GABRB3: variants seen among roughly 807,000 people sequenced by gnomAD.
GABRB3 encodes the protein gamma-aminobutyric acid type A receptor subunit beta3.
GABRB3 carries 14 observed loss-of-function variants against 52.1 expected under a neutral mutation model. That is an observed-to-expected ratio of 0.27 (90% CI 0.18 to 0.42). The LOEUF (loss-of-function observed/expected upper bound fraction) is 0.42. GABRB3 is among the 10% of genes least tolerant of loss of function. The probability of loss-of-function intolerance (pLI) is 1.00; values close to 1 mark genes in which losing one functional copy is unlikely to be tolerated. For missense variants in GABRB3, 307 were observed against 609.1 expected, an observed-to-expected ratio of 0.50 and a Z score of 5.22; for synonymous variants, 260 against 232.3, an observed-to-expected ratio of 1.12 and a Z score of -1.08.
At chr15:26,589,214 ACT>A (rs1274294288) in intron 4 of GABRB3, among the ~76,000 whole-genome samples, 1 of 152,226 alleles carries the variant, frequency 6.6e-6, no homozygotes, top group Non-Finnish European at 1.5e-5. Context: ...GCAGATGCAA[ACT>A]CTTCATGAAT....
rs548596267 is a variant in GABRB3 at position 26,617,197 on chromosome 15, T to C, written c.461+4117A>G. Among the ~76,000 whole-genome samples, 811 of 151,872 alleles carry C rather than the reference T, an allele frequency of 5.3e-3. 5 individuals are homozygous for C. Among genetic ancestry groups the C allele is most frequent in the African/African-American group, 0.018 (757 of 41,412 alleles). On this transcript the variant is annotated intron_variant, in intron 4 of 8. Coordinates refer to ENST00000311550, the MANE Select transcript of GABRB3 (RefSeq NM_000814.6). ...TTCCTTCTGAAACTATTCCAATCAA[T>C]AGAAAAAGAGGGAATCCTCCCTAAC...
At chr15:26,579,422 C>T (rs1415786785) in intron 6 of GABRB3, among the ~76,000 whole-genome samples, 1 of 152,152 alleles carries the variant, frequency 6.6e-6, no homozygotes, top group Non-Finnish European at 1.5e-5. Flanking sequence ...AAGAATGAGT[C>T]GGAGCTAGCC....
Position 26,634,895 on chromosome 15 carries a change from TA to T in GABRB3, c.241-13362del, listed in dbSNP as rs975875536. ...ACATATTTATAGAGAGAAAAAACTTTAAAAATTATATATATCTCTCTCCAAA... is the reference window on the plus strand; with the variant it reads ...ACATATTTATAGAGAGAAAAAACTTTAAAATTATATATATCTCTCTCCAAA... On this transcript the variant is annotated intron_variant, in intron 3 of 8. Coordinates refer to ENST00000311550, the MANE Select transcript of GABRB3 (RefSeq NM_000814.6). 2.5e-4 allele frequency among the ~76,000 whole-genome samples: 30 copies of T among 121,034 alleles called. No homozygotes were observed. In the East Asian group the frequency reaches 6.0e-3, roughly 24 times the overall value. The allele number at this position is 121,034 out of a possible 152,430, so 79.4% of individuals were successfully genotyped here.
At chr15:26,550,411 T>A (rs1293704962) in intron 8 of GABRB3, among the ~76,000 whole-genome samples, 1 of 152,018 alleles carries the variant, frequency 6.6e-6, no homozygotes, top group African/African-American at 2.4e-5. Flanking sequence ...ATATCACTCA[T>A]CAGGAAAATG....
At chr15:26,599,400 A>G (rs181029719) in intron 4 of GABRB3, among the ~76,000 whole-genome samples, 1 of 152,116 alleles carries the variant, frequency 6.6e-6, no homozygotes, top group South Asian at 2.1e-4. Context: ...CCCCACCTAA[A>G]CTCAGGGCCT....
At chr15:26,622,335 A>G (rs1892514622) in intron 3 of GABRB3, among the ~76,000 whole-genome samples, 1 of 152,144 alleles carries the variant, frequency 6.6e-6, no homozygotes, top group South Asian at 2.1e-4. Context: ...AAGACAAATC[A>G]GAGGCTAGAC....
intron 3 of GABRB3, among the ~76,000 whole-genome samples, chr15:26,743,960 T>G (rs1286031913): frequency 1.3e-5 from 2 of 152,158 alleles, no homozygotes. Context: ...GGAAAGAGAA[T>G]GCATTTACTG....
intron 3 of GABRB3, among the ~76,000 whole-genome samples, chr15:26,764,695 C>T (rs910321900): frequency 5.9e-5 from 9 of 152,104 alleles, no homozygotes; most frequent in Non-Finnish European, 1.3e-4. Flanking sequence ...TGCAGCTAGA[C>T]AATCCTCTTA....
At chr15:26,552,648 G>A (rs1223362264) in intron 8 of GABRB3, among the ~76,000 whole-genome samples, 1 of 152,184 alleles carries the variant, frequency 6.6e-6, no homozygotes, top group Non-Finnish European at 1.5e-5. Flanking sequence ...GCAGGGAGGA[G>A]GGCTTGACTG....
chr15:26,688,084 A>C (rs1888463111), intron 3 of GABRB3, among the ~76,000 whole-genome samples: 1 of 152,216 alleles, frequency 6.6e-6, no homozygotes, highest in Non-Finnish European at 1.5e-5. Flanking sequence ...TAATGACGAC[A>C]AGACTGGTCA....
At chr15:26,673,959 A>G (rs1156368594) in intron 3 of GABRB3, among the ~76,000 whole-genome samples, 5 of 152,172 alleles carry the variant, frequency 3.3e-5, no homozygotes, top group African/African-American at 1.2e-4. Context: ...TACGCCTAAC[A>G]TTGTTAATCT....
rs140165391 is a variant in GABRB3 at position 26,695,284 on chromosome 15, G to C, written c.241-73750C>G. Among the ~76,000 whole-genome samples the C allele has an allele frequency of 8.0e-3, 1,218 of 152,190 alleles. 41 individuals carry two copies. The highest frequency in any genetic ancestry group is 0.054 in the Admixed American group (832 of 15,292). On this transcript the variant is annotated intron_variant, in intron 3 of 8. Transcript: ENST00000311550. Reference sequence around the variant, plus strand: ...CAAGAAAGTCAGAAGGAAAAAACACGTTGTCTATAGAAGAACAAGGATAAG... The same window carrying C: ...CAAGAAAGTCAGAAGGAAAAAACACCTTGTCTATAGAAGAACAAGGATAAG...
chr15:26,627,829 G>C (rs1846237941), intron 3 of GABRB3, among the ~76,000 whole-genome samples: 1 of 152,212 alleles, frequency 6.6e-6, no homozygotes, highest in South Asian at 2.1e-4. Context: ...TAAAGCAGTG[G>C]CAGGGTTTGA....
At chr15:26,629,029 T>C (rs1892823898) in intron 3 of GABRB3, 1 of 1,536,034 alleles carries the variant, frequency 6.5e-7, no homozygotes, top group South Asian at 1.2e-5. Context: ...TCTCCCGGTA[T>C]CCCGGTGCTG....
chr15:26,660,230 G>A (rs563208805), intron 3 of GABRB3, among the ~76,000 whole-genome samples: 68 of 147,542 alleles, frequency 4.6e-4, no homozygotes, highest in Non-Finnish European at 7.0e-4. Context: ...ACTCCATCTC[G>A]GAAAAAAAAA....
At chr15:26,558,847 A>G (rs113556719) in intron 8 of GABRB3, among the ~76,000 whole-genome samples, 4,477 of 151,948 alleles carry the variant, frequency 0.029, 197 homozygotes, top group African/African-American at 0.096. Flanking sequence ...TCAAAAAAAA[A>G]AAAGAAAGAA....
chr15:26,658,693 A>G (rs192941692), intron 3 of GABRB3: 2 of 152,230 alleles, frequency 1.3e-5, no homozygotes, highest in East Asian at 3.9e-4. Context: ...CTGCCATATT[A>G]TTTGCACGAG....
At position 26,580,303 on chromosome 15, in the gene GABRB3, T is replaced by G. The variant is rs1595456553; in HGVS notation, c.682+16A>C. ...CCAGTGCCCCTGAAGGGACTATAAG[T>G]GGATGCAGGACTCACCTGTGGCGAA... On this transcript the variant is annotated intron_variant, in intron 6 of 8. Coordinates refer to ENST00000311550, the MANE Select transcript of GABRB3 (RefSeq NM_000814.6). The G allele has an allele frequency of 6.2e-7, 1 of 1,614,106 alleles. No individual in the cohort carries two copies. The highest frequency in any genetic ancestry group is 8.5e-7 in the Non-Finnish European group (1 of 1,180,012).
At chr15:26,626,890 A>G (rs1157400211) in intron 3 of GABRB3, among the ~76,000 whole-genome samples, 1 of 152,274 alleles carries the variant, frequency 6.6e-6, no homozygotes, top group Admixed American at 6.5e-5. Flanking sequence ...TACACTAAAC[A>G]ACAGGTTTTC....
Sources: gnomAD v4.1 joint callset for allele counts (sites outside exome capture counted in the v4.1 genomes callset) on GRCh38, gnomAD v4.1.1 for gene constraint, MANE v1.5 for transcripts, NCBI Gene and HGNC (gene_info 2026-07-23, HGNC 2026-07-21) for gene names.